The following MACROD2 variants were observed in gnomAD, a reference collection of about 807,000 sequenced individuals.
MACROD2 encodes the protein ADP-ribose glycohydrolase MACROD2.
MACROD2 carries 36 observed loss-of-function variants against 70.4 expected under a neutral mutation model. The observed-to-expected ratio is 0.51, with a 90% CI of 0.39 to 0.68. MACROD2 has a LOEUF of 0.68. Among genes scored for constraint, MACROD2 ranks in the 30% least tolerant of loss-of-function variants. The pLI, the probability that MACROD2 is intolerant of heterozygous loss-of-function variation, is 0.00. For synonymous variants in MACROD2, 172 were observed against 178.8 expected, an observed-to-expected ratio of 0.96 and a Z score of 0.30; for missense variants, 496 against 538.4, an observed-to-expected ratio of 0.92 and a Z score of 0.78.
chr20:14,088,621 G>A (rs868411671), intron 3 of MACROD2, among the ~76,000 whole-genome samples: 2 of 151,796 alleles, frequency 1.3e-5, no homozygotes, highest in South Asian at 2.1e-4. Context: ...TCTCCTTCTT[G>A]TTATTAAGAT....
intron 1 of MACROD2, among the ~76,000 whole-genome samples, chr20:13,996,958 G>C (rs1242650114): frequency 6.6e-6 from 1 of 152,114 alleles, no homozygotes; most frequent in East Asian, 1.9e-4. Flanking sequence ...GATTTTTATT[G>C]CAAGTCCCGG....
chr20:14,776,141 A>AATGAGCTC (rs2072231322), intron 5 of MACROD2, among the ~76,000 whole-genome samples: 1 of 152,036 alleles, frequency 6.6e-6, no homozygotes, highest in Non-Finnish European at 1.5e-5. Flanking sequence ...CTGAACCCAT[A>AATGAGCTC]CAGGAAAAAT....
intron 3 of MACROD2, among the ~76,000 whole-genome samples, chr20:14,272,832 G>A (rs2082209598): frequency 6.6e-6 from 1 of 152,100 alleles, no homozygotes; most frequent in Non-Finnish European, 1.5e-5. Flanking sequence ...AAAAAAGGCA[G>A]GGGTTGCAAT....
intron 8 of MACROD2, among the ~76,000 whole-genome samples, chr20:15,734,572 C>T (rs1002135150): frequency 6.6e-6 from 1 of 152,258 alleles, no homozygotes; most frequent in East Asian, 1.9e-4. Flanking sequence ...GCGAGGTATC[C>T]ACCTAAGACA....
chr20:15,810,106 C>T (rs538056453), intron 8 of MACROD2, among the ~76,000 whole-genome samples: 1 of 149,646 alleles, frequency 6.7e-6, no homozygotes, highest in Non-Finnish European at 1.5e-5. Flanking sequence ...TGAGTGAGAA[C>T]ATGTGGTGTT....
intron 12 of MACROD2, among the ~76,000 whole-genome samples, chr20:15,942,414 A>C (rs1401245548): frequency 2.0e-5 from 3 of 152,208 alleles, no homozygotes; most frequent in African/African-American, 7.2e-5. Context: ...ATTAACTCCA[A>C]GGTAAAGCTG....
chr20:14,025,191 T>C (rs953591743), intron 2 of MACROD2, among the ~76,000 whole-genome samples: 4 of 152,222 alleles, frequency 2.6e-5, no homozygotes, highest in Non-Finnish European at 5.9e-5. Flanking sequence ...TAGTAGTTTG[T>C]ATTTCTGTGG....
intron 3 of MACROD2, among the ~76,000 whole-genome samples, chr20:14,221,574 G>A (rs920635021): frequency 7.9e-5 from 12 of 152,136 alleles, no homozygotes; most frequent in Non-Finnish European, 1.2e-4. Context: ...ATTGCTGTAG[G>A]CAAGGAACTC....
chr20:15,203,787 A>G (rs1400722810), intron 5 of MACROD2, among the ~76,000 whole-genome samples: 1 of 152,128 alleles, frequency 6.6e-6, no homozygotes, highest in East Asian at 1.9e-4. Context: ...AAAATCTGCA[A>G]ATTGAGTAAG....
chr20:14,095,514 C>G (rs2054211435), intron 3 of MACROD2, among the ~76,000 whole-genome samples: 2 of 152,266 alleles, frequency 1.3e-5, no homozygotes, highest in African/African-American at 4.8e-5. Flanking sequence ...TTAAGTGATT[C>G]ACCTCTGGTT....
chr20:15,842,875 G>A (rs958390595), intron 8 of MACROD2, among the ~76,000 whole-genome samples: 3 of 152,220 alleles, frequency 2.0e-5, no homozygotes, highest in Middle Eastern at 3.4e-3. Context: ...TCAACATCTG[G>A]CTTTAGTTGA....
intron 5 of MACROD2, among the ~76,000 whole-genome samples, chr20:15,066,839 A>G (rs438076): frequency 0.6 from 89,756 of 150,808 alleles, 26,890 homozygotes; most frequent in East Asian, 0.68. Flanking sequence ...CCAAGACTGC[A>G]CCACTGCACT....
At chr20:15,760,191 C>G (rs2051414885) in intron 8 of MACROD2, among the ~76,000 whole-genome samples, 1 of 152,186 alleles carries the variant, frequency 6.6e-6, no homozygotes, top group Non-Finnish European at 1.5e-5. Flanking sequence ...TGAGGAGTGT[C>G]TCGGCTTCAC....
chr20:14,281,405 G>T lies in MACROD2; in HGVS notation c.271+195677G>T, dbSNP rs553378041. 6.6e-5 allele frequency among the ~76,000 whole-genome samples: 10 copies of T among 152,344 alleles called. No individual in the cohort carries two copies. In the East Asian group the frequency reaches 1.9e-3, roughly 29 times the overall value. ...AACAGAAGTAGATTAGTTGGTGCCA[G>T]GGAGTGGGGATAGTGGAGAATGGGG... On this transcript the variant is annotated intron_variant, in intron 3 of 17. Transcript: ENST00000684519.
chr20:14,445,988 A>T (rs2084177793), intron 3 of MACROD2, among the ~76,000 whole-genome samples: 1 of 152,066 alleles, frequency 6.6e-6, no homozygotes, highest in South Asian at 2.1e-4. Flanking sequence ...TTTATAGGAC[A>T]TGTTTGTGAC....
chr20:14,708,783 A>G (rs2071301951), intron 5 of MACROD2, among the ~76,000 whole-genome samples: 1 of 152,004 alleles, frequency 6.6e-6, no homozygotes, highest in East Asian at 1.9e-4. Flanking sequence ...ATGCCCAGCT[A>G]ATTTTTTTGT....
At position 14,550,511 on chromosome 20, in the gene MACROD2, G is replaced by A. The variant is rs569132538; in HGVS notation, c.301+57003G>A. ...GTCACAGTGAGAAGAGAAGACATAA[G>A]TCTGTGAACCAGAAAGCAGTCTCTC... On this transcript the variant is annotated intron_variant, in intron 4 of 17. Coordinates refer to ENST00000684519, the MANE Select transcript of MACROD2 (RefSeq NM_001351661.2). 3.9e-5 allele frequency among the ~76,000 whole-genome samples: 6 copies of A among 152,252 alleles called. No individual in the cohort carries two copies. The South Asian group carries it at 1.0e-3, about 26-fold the overall frequency.
chr20:14,525,477 C>T (rs886621908), intron 4 of MACROD2, among the ~76,000 whole-genome samples: 7 of 152,160 alleles, frequency 4.6e-5, no homozygotes, highest in African/African-American at 1.4e-4. Flanking sequence ...TTCCATATTA[C>T]AGATGAGGAA....
At chr20:14,987,577 G>A (rs549614075) in intron 5 of MACROD2, among the ~76,000 whole-genome samples, 9 of 152,178 alleles carry the variant, frequency 5.9e-5, no homozygotes, top group South Asian at 2.1e-4. Flanking sequence ...TACACTGAGC[G>A]GAGTAGATCC....
Sources: gnomAD v4.1 joint callset for allele counts (sites outside exome capture counted in the v4.1 genomes callset) on GRCh38, gnomAD v4.1.1 for gene constraint, MANE v1.5 for transcripts, NCBI Gene and HGNC (gene_info 2026-07-23, HGNC 2026-07-21) for gene names.